WLS: variants seen among roughly 807,000 people sequenced by gnomAD.
The protein encoded by WLS is Wnt ligand secretion mediator, also known as protein wntless homolog.
In WLS, 23 loss-of-function variants were observed where a neutral mutation model predicts 62.8. That is an observed-to-expected ratio of 0.37 (90% CI 0.26 to 0.52). WLS has a LOEUF of 0.52. WLS is among the 20% of genes least tolerant of loss of function. The pLI, the probability that WLS is intolerant of heterozygous loss-of-function variation, is 0.92. For synonymous variants in WLS, 246 were observed against 244.1 expected, an observed-to-expected ratio of 1.01 and a Z score of -0.07; for missense variants, 615 against 697.3, an observed-to-expected ratio of 0.88 and a Z score of 1.33.
At chr1:68,208,355 C>T (rs2566794) in intron 1 of WLS, among the ~76,000 whole-genome samples, 10 of 139,704 alleles carry the variant, frequency 7.2e-5, no homozygotes, top group Admixed American at 3.4e-4. Context: ...CCCTCACCTG[C>T]CCCCCGATGA....
intron 2 of WLS, among the ~76,000 whole-genome samples, chr1:68,165,678 G>A (rs1041318102): frequency 1.2e-4 from 19 of 152,262 alleles, no homozygotes; most frequent in Admixed American, 5.9e-4. Context: ...TGGAGCCAGC[G>A]GTGGGGAGAA....
chr1:68,103,975 G>C (rs1646111297), intron 11 of WLS, among the ~76,000 whole-genome samples: 1 of 152,150 alleles, frequency 6.6e-6, no homozygotes, highest in South Asian at 2.1e-4. Context: ...AGCTCACAGA[G>C]GTTTCTTCAT....
rs536167403 is a variant in WLS at position 68,180,746 on chromosome 1, T to G, written c.379+13209A>C. On this transcript the variant is annotated intron_variant, in intron 2 of 11. Transcript: ENST00000262348. The stretch of plus-strand genomic sequence containing the variant: ...TCCCAACTTTCTCTCTCAAACTGTC[T>G]TTTTCTCAATCCTTTGACTCTGCTG... Among the ~76,000 whole-genome samples the G allele has an allele frequency of 2.0e-5, 3 of 152,288 alleles. No individual in the cohort carries two copies. In the East Asian group the frequency reaches 5.8e-4, roughly 29 times the overall value.
chr1:68,202,213 G>A (rs1486276256), intron 1 of WLS: 1 of 152,200 alleles, frequency 6.6e-6, no homozygotes, highest in African/African-American at 2.4e-5. Flanking sequence ...ATTTGAAATG[G>A]TGTGGCAAAC....
At chr1:68,124,007 C>G (rs1411116825), downstream of WLS, among the ~76,000 whole-genome samples, 1 of 152,170 alleles carries the variant, frequency 6.6e-6, no homozygotes, top group Admixed American at 6.5e-5. Context: ...AGTGAATCCA[C>G]TGACATTTGT....
At chr1:68,122,602 T>G (rs1234975221), downstream of WLS, among the ~76,000 whole-genome samples, 1 of 152,232 alleles carries the variant, frequency 6.6e-6, no homozygotes, top group African/African-American at 2.4e-5. Flanking sequence ...TTATATACTT[T>G]TTTCCTATAA....
At chr1:68,133,051 GCAGCAACAGCAA>G (rs758790909) in intron 11 of WLS, among the ~76,000 whole-genome samples, 92 of 152,072 alleles carry the variant, frequency 6.0e-4, no homozygotes, top group African/African-American at 1.6e-3. Flanking sequence ...AAAGGCAGCA[GCAGCAACAGCAA>G]CAGCAGCAGC....
chr1:68,129,100 G>A lies in WLS; in HGVS notation c.1517-2765C>T, dbSNP rs118169837. ...GGCACTTTGGGAGGCTGACGGCGGC[G>A]GATCACTTGAGGTCAGGAGTTTGAA... On this transcript the variant is annotated intron_variant, in intron 11 of 11. Transcript: ENST00000262348. 2.2e-4 allele frequency among the ~76,000 whole-genome samples: 34 copies of A among 152,184 alleles called. No homozygotes were observed. The East Asian group carries it at 5.4e-3, about 24-fold the overall frequency.
intron 8 of WLS, among the ~76,000 whole-genome samples, chr1:68,147,677 A>C (rs1646770573): frequency 6.6e-6 from 1 of 152,200 alleles, no homozygotes; most frequent in African/African-American, 2.4e-5. Flanking sequence ...CCTTAGCCTT[A>C]TCTCCACTTG....
intron 2 of WLS, among the ~76,000 whole-genome samples, chr1:68,179,914 G>A (rs1283942099): frequency 6.6e-6 from 1 of 152,120 alleles, no homozygotes; most frequent in Non-Finnish European, 1.5e-5. Context: ...GAGAGAATTT[G>A]ATTGCTTCCC....
chr1:68,099,020 C>T (rs1646043614), intron 11 of WLS, among the ~76,000 whole-genome samples: 1 of 152,034 alleles, frequency 6.6e-6, no homozygotes, highest in East Asian at 1.9e-4. Context: ...TCCAACACCT[C>T]CCGAGCAGCA....
rs1170972739 is a variant in WLS, at chr1:68,125,369, G to A, written c.*857C>T. On this transcript the variant is annotated 3_prime_UTR_variant, in exon 12 of 12. Coordinates refer to ENST00000262348, the MANE Select transcript of WLS (RefSeq NM_024911.7). The stretch of plus-strand genomic sequence containing the variant: ...TCTGCACGCATGTGTATGAGTTTTA[G>A]CAGGAGGGGATATGCATGTACACAT... 3 of 985,316 alleles carry A rather than the reference G, an allele frequency of 3.0e-6. No homozygotes were observed. The highest frequency in any genetic ancestry group is 3.6e-6 in the Non-Finnish European group (3 of 829,950). The allele number at this position is 985,316 out of a possible 1,614,324, so 61.0% of individuals were successfully genotyped here. A position where few individuals can be genotyped will look rare whatever the true frequency, so the allele number is the denominator to read the frequency against.
At chr1:68,133,770 T>C (rs142464684) in intron 11 of WLS, among the ~76,000 whole-genome samples, 1 of 152,324 alleles carries the variant, frequency 6.6e-6, no homozygotes, top group Non-Finnish European at 1.5e-5. Context: ...TTCCATTTCC[T>C]TCCTACCCAC....
At chr1:68,107,619 TGA>T (rs370880598) in intron 11 of WLS, among the ~76,000 whole-genome samples, 93 of 152,262 alleles carry the variant, frequency 6.1e-4, no homozygotes, top group African/African-American at 2.2e-3. Flanking sequence ...TACCTCACTC[TGA>T]GAGAGAAGGG....
chr1:68,155,078 AGATC>A lies in WLS; in HGVS notation c.666+17_666+20del, dbSNP rs771055100. The A allele has an allele frequency of 4.3e-6, 7 of 1,610,264 alleles. No homozygotes were observed. The highest frequency in any genetic ancestry group is 5.9e-6 in the Non-Finnish European group (7 of 1,178,156). On this transcript the variant is annotated intron_variant, in intron 4 of 11. Transcript: ENST00000262348. ...GAGTTCCCCTCCAATACACATGTCA[AGATC>A]AATTACATTCACTTACCACCAACCG...
chr1:68,172,846 T>C (rs1297497730), intron 2 of WLS, among the ~76,000 whole-genome samples: 1 of 151,960 alleles, frequency 6.6e-6, no homozygotes, highest in Non-Finnish European at 1.5e-5. Context: ...TGGCAGGGAA[T>C]GTGAGAGGGA....
intron 1 of WLS, among the ~76,000 whole-genome samples, chr1:68,218,237 A>AT (rs57395781): frequency 2.4e-4 from 36 of 151,756 alleles, no homozygotes; most frequent in Admixed American, 5.2e-4. Flanking sequence ...AAAATGGTGG[A>AT]TTTTTTTTTC....
At chr1:68,192,263 AAC>A (rs1323889147) in intron 2 of WLS, among the ~76,000 whole-genome samples, 1 of 152,196 alleles carries the variant, frequency 6.6e-6, no homozygotes, top group African/African-American at 2.4e-5. Flanking sequence ...CCAACTCCTA[AAC>A]AGAGTAAAAA....
At chr1:68,141,001 A>G (rs1229933445) in intron 10 of WLS, among the ~76,000 whole-genome samples, 3 of 147,002 alleles carry the variant, frequency 2.0e-5, no homozygotes, top group East Asian at 4.2e-4. Flanking sequence ...CCTCCTCAAA[A>G]TCCCCAAATC....
Sources: gnomAD v4.1 joint callset for allele counts (sites outside exome capture counted in the v4.1 genomes callset) on GRCh38, gnomAD v4.1.1 for gene constraint, MANE v1.5 for transcripts, NCBI Gene and HGNC (gene_info 2026-07-23, HGNC 2026-07-21) for gene names.